The following NFXL1 variants were observed in gnomAD, a reference collection of about 807,000 sequenced individuals.
NFXL1 encodes NF-X1-type zinc finger protein NFXL1.
A neutral mutation model predicts 123.3 loss-of-function variants in NFXL1; 66 were observed. The observed-to-expected ratio is 0.54, with a 90% CI of 0.44 to 0.66. The LOEUF (loss-of-function observed/expected upper bound fraction) is 0.66, where lower values mean the gene tolerates loss of function less well. NFXL1 is among the 30% of genes least tolerant of loss of function. NFXL1 has a pLI of 0.00. For missense variants in NFXL1, 944 were observed against 1,125.6 expected (o/e 0.84, Z 2.31); for synonymous variants, 346 against 360.8 (o/e 0.96, Z 0.46).
chr4:47,877,523 A>G (rs960239547), intron 17 of NFXL1, among the ~76,000 whole-genome samples: 4 of 152,084 alleles, frequency 2.6e-5, no homozygotes, highest in Non-Finnish European at 5.9e-5. Flanking sequence ...GAGGGAAGCC[A>G]TACAGCAGCT....
chr4:47,912,461 CT>C (rs11344755), intron 2 of NFXL1, among the ~76,000 whole-genome samples: 77,911 of 117,508 alleles, frequency 0.66, 24,669 homozygotes, highest in Admixed American at 0.69. Context: ...TCTTTTCTTT[CT>C]TTTTTTTTTT....
At chr4:47,857,952 C>T (rs1409493068) in intron 19 of NFXL1, among the ~76,000 whole-genome samples, 1 of 152,094 alleles carries the variant, frequency 6.6e-6, no homozygotes, top group Non-Finnish European at 1.5e-5. Context: ...TGAATTGCTC[C>T]CCAATGTCTT....
chr4:47,908,524 C>T (rs567452070), intron 3 of NFXL1, among the ~76,000 whole-genome samples: 106 of 151,574 alleles, frequency 7.0e-4, no homozygotes, highest in South Asian at 4.0e-3. Context: ...AACTAACAGG[C>T]CTGAATCCTG....
At chr4:47,891,033 G>T (rs1339570555) in intron 11 of NFXL1, among the ~76,000 whole-genome samples, 1 of 151,486 alleles carries the variant, frequency 6.6e-6, no homozygotes, top group Non-Finnish European at 1.5e-5. Context: ...CAATTAGTCT[G>T]GTTTTTAAAA....
intron 18 of NFXL1, among the ~76,000 whole-genome samples, chr4:47,871,780 T>C (rs904001795): frequency 6.6e-6 from 1 of 152,134 alleles, no homozygotes; most frequent in African/African-American, 2.4e-5. Context: ...AAGAATAAAA[T>C]TTGTCTTCTA....
chr4:47,903,700 T>C (rs1487979702), intron 4 of NFXL1, among the ~76,000 whole-genome samples: 2 of 152,172 alleles, frequency 1.3e-5, no homozygotes, highest in Non-Finnish European at 2.9e-5. Context: ...TTACACCATG[T>C]AGACTTACGT....
rs1560602432 is a variant in NFXL1, at chr4:47,899,556, GA to G, written c.648-9del. ...TCAAACCTACATTTTGGACTACAAA[GA>G]AGAAGAAAATTATTAAAGCTAACTT... On this transcript the variant is annotated splice_polypyrimidine_tract_variant and intron_variant, in intron 5 of 22. Transcript: ENST00000507489. 1.3e-6 allele frequency: 2 copies of G among 1,584,544 alleles called. No individual in the cohort carries two copies. The highest frequency in any genetic ancestry group is 1.7e-6 in the Non-Finnish European group (2 of 1,155,640).
Position 47,847,959 on chromosome 4 carries a change from T to C in NFXL1, c.*204A>G. On this transcript the variant is annotated 3_prime_UTR_variant, in exon 23 of 23. Coordinates refer to ENST00000507489, the MANE Select transcript of NFXL1 (RefSeq NM_001278624.2). ...GAAATATTTTAGTTTCAGTCATGCC[T>C]TCACTTTAAAACAGTATTATACTGC... 3.7e-6 allele frequency: 1 copy of C among 271,322 alleles called. No individual in the cohort carries two copies. The highest frequency in any genetic ancestry group is 6.0e-6 in the Non-Finnish European group (1 of 167,970). 16.8% of individuals were successfully genotyped at this position (271,322 alleles called of 1,614,324 possible). A position where few individuals can be genotyped will look rare whatever the true frequency, so the allele number is the denominator to read the frequency against.
chr4:47,879,248 C>A (rs1735937729), intron 15 of NFXL1, 131 bp from the exon 16 acceptor site: 1 of 426,394 alleles, frequency 2.3e-6, no homozygotes, highest in South Asian at 7.3e-5. Context: ...AGTTACAGGA[C>A]ACGAAGTTAA....
Position 47,899,037 on chromosome 4 carries a change from T to C in NFXL1, c.910A>G (p.Lys304Glu). ...AKPIPRRCSA[K>E]EWSCQLPCGQ... is the part of the protein sequence containing the mutation. ...CATGGCAGCTGACAAGACCATTCCT[T>C]GGCACTGCACCTACGAGGGATAGGT... Residue 304 changes from lysine (K) to glutamate (E), a missense_variant, in exon 7 of 23, where the codon AAG (lysine) becomes GAG (glutamate). Coordinates refer to ENST00000507489, the MANE Select transcript of NFXL1 (RefSeq NM_001278624.2). 1 of 1,613,400 alleles carries C rather than the reference T, an allele frequency of 6.2e-7. No homozygotes were observed. The highest frequency in any genetic ancestry group is 1.1e-5 in the South Asian group (1 of 91,056).
chr4:47,875,154 T>G lies in NFXL1; in HGVS notation c.2219A>C (p.Lys740Thr), dbSNP rs1253724136. The G allele has an allele frequency of 6.2e-7, 1 of 1,612,070 alleles. No homozygotes were observed. Residue 740 changes from lysine to threonine, a missense_variant, in exon 18 of 23, where the codon AAG (lysine) becomes ACG (threonine). Coordinates refer to ENST00000507489, the MANE Select transcript of NFXL1 (RefSeq NM_001278624.2). ...VQMLRIKCHC[K>T]ITSLYVECRK... ...ACATTCCACATACAGGCTTGTGATC[T>G]TACAGTGACATTTTATTCTAAGCAT... is the stretch of plus-strand genomic sequence containing the variant.
At chr4:47,892,863 AC>A (rs770217999) in intron 11 of NFXL1, among the ~76,000 whole-genome samples, 49 of 152,162 alleles carry the variant, frequency 3.2e-4, no homozygotes, top group Non-Finnish European at 5.6e-4. Flanking sequence ...GGAAAACATA[AC>A]CCCAAAAAAG....
intron 15 of NFXL1, among the ~76,000 whole-genome samples, chr4:47,882,759 T>C (rs1490923306): frequency 6.6e-6 from 1 of 152,210 alleles, no homozygotes; most frequent in Non-Finnish European, 1.5e-5. Flanking sequence ...ACTGGCTTTG[T>C]ATAGTGATGT....
chr4:47,868,382 A>C (rs1489397729), intron 18 of NFXL1, among the ~76,000 whole-genome samples: 1 of 151,776 alleles, frequency 6.6e-6, no homozygotes, highest in Non-Finnish European at 1.5e-5. Flanking sequence ...ATAATATATA[A>C]ATGTCATATG....
chr4:47,848,681 A>C (rs1344230431), intron 22 of NFXL1, among the ~76,000 whole-genome samples: 1 of 152,008 alleles, frequency 6.6e-6, no homozygotes, highest in Non-Finnish European at 1.5e-5. Context: ...CAAGGTGAGG[A>C]AATCAAGACC....
rs148043451 is a variant in NFXL1 at position 47,868,250 on chromosome 4, C to T, written c.2247-5335G>A. On this transcript the variant is annotated intron_variant, in intron 18 of 22. Transcript: ENST00000507489. ...AGGAAAATGGCGTGAACTCGGGAAG[C>T]GGAGCTTGCAGTGAGCCGAGATCGC... Among the ~76,000 whole-genome samples, 580 of 150,668 alleles carry T rather than the reference C, an allele frequency of 3.8e-3. 3 individuals carry two copies. The highest frequency in any genetic ancestry group is 0.013 in the African/African-American group (551 of 40,918).
rs373294451 is a variant in NFXL1 at position 47,883,260 on chromosome 4, AAAAC to A, written c.1916+1082_1916+1085del. The stretch of plus-strand genomic sequence containing the variant: ...CGTCTCAAAGAAAAAAAAACAAAAA[AAAAC>A]AGACTAAGGAACTCAATGGTAATTA... On this transcript the variant is annotated intron_variant, in intron 15 of 22. Transcript: ENST00000507489. Among the ~76,000 whole-genome samples, 40 of 152,240 alleles carry A rather than the reference AAAAC, an allele frequency of 2.6e-4. No homozygotes were observed. In the South Asian group the frequency reaches 8.3e-3, roughly 32 times the overall value.
At chr4:47,858,504 C>T (rs1734536700) in intron 19 of NFXL1, among the ~76,000 whole-genome samples, 1 of 152,136 alleles carries the variant, frequency 6.6e-6, no homozygotes, top group Non-Finnish European at 1.5e-5. Flanking sequence ...ATTCAAATGT[C>T]CACCCACAGT....
intron 15 of NFXL1, among the ~76,000 whole-genome samples, chr4:47,880,448 A>G (rs1173610918): frequency 1.3e-5 from 2 of 149,324 alleles, no homozygotes; most frequent in Admixed American, 6.6e-5. Flanking sequence ...AAAAAAAAAA[A>G]GGTTAAAAAG....
Sources: allele counts gnomAD v4.1 joint callset (sites outside exome capture counted in the v4.1 genomes callset), GRCh38; gene constraint gnomAD v4.1.1; transcripts MANE v1.5; gene names NCBI Gene and HGNC (gene_info 2026-07-23, HGNC 2026-07-21).